The following MFSD12 variants were observed in gnomAD, a reference collection of about 807,000 sequenced individuals.
MFSD12 encodes major facilitator superfamily domain-containing protein 12.
MFSD12 carries 67 observed loss-of-function variants against 51.2 expected under a neutral mutation model. The ratio of observed to expected loss-of-function variants is 1.31; its 90% CI spans 1.08 to 1.60. The LOEUF is 1.60. Among genes scored for constraint, MFSD12 ranks in the 40% most tolerant of loss-of-function variants. The pLI, the probability that MFSD12 is intolerant of heterozygous loss-of-function variation, is 0.00. For missense variants in MFSD12, 921 were observed against 673.0 expected, an observed-to-expected ratio of 1.37 and a Z score of -4.08; for synonymous variants, 441 against 316.7, an observed-to-expected ratio of 1.39 and a Z score of -4.17.
At chr19:3,543,460 C>T (rs761668213), downstream of MFSD12, 3 of 1,539,782 alleles carry the variant, frequency 1.9e-6, no homozygotes, top group East Asian at 2.5e-5. Flanking sequence ...ACCGTGAGTG[C>T]AGCATGCCAT....
chr19:3,555,705 G>C (rs1007549036), intron 1 of MFSD12, among the ~76,000 whole-genome samples: 1 of 152,148 alleles, frequency 6.6e-6, no homozygotes, highest in Non-Finnish European at 1.5e-5. Flanking sequence ...ACCCATCCCA[G>C]TCATTGTTCC....
chr19:3,542,390 G>A (rs1422605298), downstream of MFSD12: 2 of 985,404 alleles, frequency 2.0e-6, no homozygotes, highest in Non-Finnish European at 2.4e-6. Flanking sequence ...AGACTGTCTT[G>A]GGGCCAGCAA....
chr19:3,552,391 T>C (rs113401274), intron 1 of MFSD12, among the ~76,000 whole-genome samples: 17,736 of 149,228 alleles, frequency 0.12, 1,382 homozygotes, highest in African/African-American at 0.22. Flanking sequence ...TGGTCTCCAA[T>C]GCCTGACCTC....
downstream of MFSD12, among the ~76,000 whole-genome samples, chr19:3,541,383 A>G (rs1448125448): frequency 6.7e-6 from 1 of 149,138 alleles, no homozygotes; most frequent in African/African-American, 2.5e-5. Context: ...AGTGCAGTGG[A>G]ATGATCTCAG....
At chr19:3,550,490 C>G (rs1404300279) in intron 2 of MFSD12, among the ~76,000 whole-genome samples, 2 of 151,884 alleles carry the variant, frequency 1.3e-5, no homozygotes, top group Non-Finnish European at 2.9e-5. Flanking sequence ...CTCCCGGGTT[C>G]ACACCATTCT....
In MFSD12 at chr19:3,548,283, G is replaced by A. The variant is rs2031246075; in HGVS notation, c.510-16C>T. The A allele has an allele frequency of 1.3e-6, 2 of 1,545,962 alleles. No homozygotes were observed. Among genetic ancestry groups the A allele is most frequent in the Non-Finnish European group, 1.7e-6 (2 of 1,146,868 alleles). ...GAACGCATACCTGGCGGGCAGGCGG[G>A]CAGGGACTCAACAAGACGCCAGGAA... On this transcript the variant is annotated splice_polypyrimidine_tract_variant and intron_variant, in intron 2 of 9. Transcript: ENST00000355415.
chr19:3,544,132 A>C (rs544586888), downstream of MFSD12: 153 of 1,412,284 alleles, frequency 1.1e-4, 2 homozygotes, highest in South Asian at 2.3e-3. Flanking sequence ...GCCCACAACC[A>C]GGGCAGGGCT....
chr19:3,539,560 T>A, downstream of MFSD12: 1 of 407,170 alleles, frequency 2.5e-6, no homozygotes. Flanking sequence ...TCCAGGCCTG[T>A]GCGGGGCTGG....
downstream of MFSD12, chr19:3,539,602 A>C: frequency 3.6e-6 from 1 of 281,194 alleles, no homozygotes; most frequent in Non-Finnish European, 6.7e-6. Flanking sequence ...TCTGTCCCAC[A>C]CCTCTTGCAG....
At chr19:3,545,734 A>G (rs1157900034) in intron 8 of MFSD12, among the ~76,000 whole-genome samples, 2 of 152,204 alleles carry the variant, frequency 1.3e-5, no homozygotes, top group South Asian at 4.1e-4. Context: ...TACAGGCGTG[A>G]ATGCTGTGAT....
chr19:3,541,630 A>G, downstream of MFSD12: 2 of 984,418 alleles, frequency 2.0e-6, no homozygotes, highest in South Asian at 9.4e-5. Flanking sequence ...GCAAGACCCT[A>G]TTTCTATTTT....
Position 3,551,223 on chromosome 19 carries a change from G to T in MFSD12, c.299-29C>A, listed in dbSNP as rs779024721. 1.3e-5 allele frequency: 20 copies of T among 1,545,132 alleles called. No homozygotes were observed. The highest frequency in any genetic ancestry group is 2.3e-5 in the East Asian group (1 of 42,654). ...TGGAAGGCAGAGTGGTCAGTCGCGG[G>T]GCTGTCCCGCACCAGCCAGGGCTCC... On this transcript the variant is annotated intron_variant, in intron 1 of 9. Transcript: ENST00000355415. This position sits in a 1 kb window ranked among gnomAD's most constrained non-coding sequence, Gnocchi z 4.6.
rs758030207 is a variant in MFSD12, at chr19:3,557,211, C to CCAG, written c.190_192dup (p.Leu64dup). 28 of 1,579,960 alleles carry CCAG rather than the reference C, an allele frequency of 1.8e-5. No homozygotes were observed. The highest frequency in any genetic ancestry group is 8.1e-5 in the South Asian group (7 of 86,342). ...GTGCACAGCCCGTCGGCCACCTGGC[C>CCAG]CAGCAGCAGCAGCAGCCCCGCGCCG... On this transcript the variant is annotated inframe_insertion, in exon 1 of 10. Transcript: ENST00000355415.
chr19:3,543,848 C>T (rs752336904), downstream of MFSD12: 33 of 1,542,376 alleles, frequency 2.1e-5, no homozygotes, highest in South Asian at 1.9e-4. Context: ...GGAACCGGTA[C>T]GGGGTGGAGC....
downstream of MFSD12, chr19:3,543,223 G>C (rs1177443606): frequency 1.9e-6 from 3 of 1,540,616 alleles, no homozygotes; most frequent in Non-Finnish European, 2.6e-6. Context: ...TCTGCCCCCT[G>C]CCCACCCTCA....
At chr19:3,543,647 T>C, downstream of MFSD12, 1 of 1,543,704 alleles carries the variant, frequency 6.5e-7, no homozygotes, top group Non-Finnish European at 8.7e-7. Context: ...GAGCGCGCTG[T>C]GGAAAGACAG....
At chr19:3,545,103 G>A (rs930907641) in intron 8 of MFSD12, among the ~76,000 whole-genome samples, 164 bp from the exon 9 acceptor site, 4 of 151,948 alleles carry the variant, frequency 2.6e-5, no homozygotes, top group Admixed American at 6.6e-5. Context: ...CCAACAGCTC[G>A]GCCAGTCCTG....
rs199864651 is a variant in MFSD12, at chr19:3,546,280, G to A, written c.1169C>T (p.Thr390Met). 5.3e-4 allele frequency: 852 copies of A among 1,610,520 alleles called. 2 individuals carry two copies. Among genetic ancestry groups the A allele is most frequent in the Non-Finnish European group, 6.6e-4 (784 of 1,179,078 alleles). ...ATILVTSLAM[T>M]ADLIGPHTNS... Reference sequence around the variant, plus strand: ...CGTGTGGGGACCGATGAGGTCGGCCGTCATGGCCAGCGAGGTGACGAGGAT... The same window carrying A: ...CGTGTGGGGACCGATGAGGTCGGCCATCATGGCCAGCGAGGTGACGAGGAT... The change falls in exon 7 of 10, where the codon ACG (threonine) becomes ATG (methionine). Residue 390 changes from threonine (T) to methionine (M), a missense_variant. Transcript: ENST00000355415.
chr19:3,543,547 C>CA, downstream of MFSD12: 1 of 1,532,984 alleles, frequency 6.5e-7, no homozygotes, highest in South Asian at 1.2e-5. Context: ...GCCCCCGCCC[C>CA]ACCGCAGCCT....
Sources: allele counts gnomAD v4.1 joint callset (sites outside exome capture counted in the v4.1 genomes callset), GRCh38; gene constraint gnomAD v4.1.1; non-coding constraint Gnocchi (gnomAD v3.1); transcripts MANE v1.5; gene names NCBI Gene and HGNC (gene_info 2026-07-23, HGNC 2026-07-21).